Variants in GOLGA3 observed in about 807,000 individuals in gnomAD.
GOLGA3 encodes the protein golgin subfamily A member 3.
GOLGA3 carries 75 observed loss-of-function variants against 169.4 expected under a neutral mutation model. The observed-to-expected ratio is 0.44, with a 90% CI of 0.37 to 0.54. The LOEUF (loss-of-function observed/expected upper bound fraction) is 0.54. Among genes scored for constraint, GOLGA3 ranks in the 20% least tolerant of loss-of-function variants. GOLGA3 has a pLI of 0.00. For synonymous variants in GOLGA3, 824 were observed against 822.4 expected (o/e 1.00, Z -0.03); for missense variants, 1,899 against 1,930.0 (o/e 0.98, Z 0.30).
At chr12:132,786,869 C>T in intron 13 of GOLGA3, 82 bp from the exon 14 acceptor site, 1 of 940,986 alleles carries the variant, frequency 1.1e-6, no homozygotes, top group East Asian at 2.4e-5. Context: ...CCATCACCCC[C>T]ACCAAAGGCA....
At chr12:132,802,048 A>G (rs1949153840) in intron 7 of GOLGA3, 79 bp from the exon 8 acceptor site, 2 of 1,109,442 alleles carry the variant, frequency 1.8e-6, no homozygotes, top group South Asian at 2.7e-5. Context: ...GCGGGACACA[A>G]GGCGGGACTC....
At chr12:132,797,949 G>C (rs187378090) in intron 9 of GOLGA3, among the ~76,000 whole-genome samples, 5 of 152,320 alleles carry the variant, frequency 3.3e-5, no homozygotes, top group African/African-American at 9.6e-5. Context: ...AGGCAAAAAC[G>C]CACTGGCCCC....
chr12:132,799,708 C>T (rs1459682915), intron 8 of GOLGA3, among the ~76,000 whole-genome samples: 1 of 151,104 alleles, frequency 6.6e-6, no homozygotes, highest in African/African-American at 2.4e-5. Context: ...TTTTGTTGTC[C>T]AGGCTACACC....
chr12:132,789,089 C>G lies in GOLGA3; in HGVS notation c.2749G>C (p.Asp917His), dbSNP rs2046084591. ...GCCGACTGGAGATGCCCTTCAAGGT[C>G]CGCCATGTGCTGACGGACCTGGGCC... ...EVAQVRQHMA[D>H]LEGHLQSAQK... The change falls in exon 13 of 24, where the codon GAC becomes CAC. Residue 917 changes from aspartate to histidine, a missense_variant. Coordinates refer to ENST00000450791, the MANE Select transcript of GOLGA3 (RefSeq NM_001389683.1). 1 of 1,611,996 alleles carries G rather than the reference C, an allele frequency of 6.2e-7. No individual in the cohort carries two copies.
rs1418458730 is a variant in GOLGA3, at chr12:132,774,269, T to C, written c.4195A>G (p.Lys1399Glu). The part of the protein sequence containing the change: ...ASSSNPATPI[K>E]IPDCPVPASL... ...GCGGGAACTGGGCAGTCCGGGATCTTGATGGGCGTGGCAGGGTTGGAAGAG... is the reference window on the plus strand; with the variant it reads ...GCGGGAACTGGGCAGTCCGGGATCTCGATGGGCGTGGCAGGGTTGGAAGAG... The change falls in exon 23 of 24, where the codon AAG becomes GAG. Residue 1399 changes from lysine to glutamate, a missense_variant. Physicochemically the swap from Lys to Glu is moderately conservative, Grantham distance 56. Transcript: ENST00000450791. 4 of 1,612,952 alleles carry C rather than the reference T, an allele frequency of 2.5e-6. No individual in the cohort carries two copies. The highest frequency in any genetic ancestry group is 3.4e-6 in the Non-Finnish European group (4 of 1,180,026).
chr12:132,805,050 T>A (rs201444758), intron 6 of GOLGA3, 28 bp from the exon 7 acceptor site: 1 of 1,592,264 alleles, frequency 6.3e-7, no homozygotes, highest in African/African-American at 1.3e-5. Flanking sequence ...ACCACAATGA[T>A]TTTAAGAAAA....
intron 4 of GOLGA3, among the ~76,000 whole-genome samples, chr12:132,808,874 A>T (rs1036808752): frequency 3.9e-5 from 6 of 152,236 alleles, no homozygotes; most frequent in African/African-American, 1.4e-4. Flanking sequence ...CCACAGGGTC[A>T]GTGGGTCTCC....
In GOLGA3 at chr12:132,782,432, A is replaced by G; in HGVS notation, c.3329T>C (p.Leu1110Ser). 1 of 1,613,928 alleles carries G rather than the reference A, an allele frequency of 6.2e-7. No individual in the cohort carries two copies. ...TTTCTCGTGCTCTAATTCAAGAGCCAACTTCTTGTTTGACTCCTCAAGGCG... is the reference window on the plus strand; with the variant it reads ...TTTCTCGTGCTCTAATTCAAGAGCCGACTTCTTGTTTGACTCCTCAAGGCG... ...IKRLEESNKK[L>S]ALELEHEKGK... is the part of the protein sequence containing the mutation. The change falls in exon 17 of 24, where the codon TTG (leucine) becomes TCG (serine). Residue 1110 changes from leucine to serine, a missense_variant. Coordinates refer to ENST00000450791, the MANE Select transcript of GOLGA3 (RefSeq NM_001389683.1).
rs1267712659 is a variant in GOLGA3, at chr12:132,769,387, C to G, written c.*3718G>C. The G allele has an allele frequency of 6.6e-6, 1 of 152,212 alleles. No individual in the cohort carries two copies. Among genetic ancestry groups the G allele is most frequent in the East Asian group, 1.9e-4 (1 of 5,200 alleles). The allele number at this position is 152,212 out of a possible 1,614,324, so 9.4% of individuals were successfully genotyped here. A position where few individuals can be genotyped will look rare whatever the true frequency, so the allele number is the denominator to read the frequency against. On this transcript the variant is annotated 3_prime_UTR_variant, in exon 24 of 24. Coordinates refer to ENST00000450791, the MANE Select transcript of GOLGA3 (RefSeq NM_001389683.1). ...GGAACTAGAACTCGGTTGTGGGAAC[C>G]CTGCACCAAGGAGAGTTGAGGGCCA...
At position 132,822,225 on chromosome 12, in the gene GOLGA3, G is replaced by A. The variant is rs1206135667; in HGVS notation, c.-97C>T. ...ATCAGCAACAGCCAAGAGCTCCTGG[G>A]AGGGGCCCTACTGTGTCTCCCATTT... On this transcript the variant is annotated 5_prime_UTR_variant, in exon 2 of 24. Transcript: ENST00000450791. 3.4e-6 allele frequency: 5 copies of A among 1,480,768 alleles called. No individual in the cohort carries two copies. In the African/African-American group the frequency reaches 5.8e-5, roughly 17 times the overall value. The allele number at this position is 1,480,768 out of a possible 1,614,324, so 91.7% of individuals were successfully genotyped here. A position where few individuals can be genotyped will look rare whatever the true frequency, so the allele number is the denominator to read the frequency against.
Position 132,777,948 on chromosome 12 carries a change from C to A in GOLGA3, c.3583-143G>T. 4.5e-6 allele frequency: 4 copies of A among 887,992 alleles called. No homozygotes were observed. In the South Asian group the frequency reaches 7.1e-5, roughly 16 times the overall value. 55.0% of individuals were successfully genotyped at this position (887,992 alleles called of 1,614,324 possible). On this transcript the variant is annotated intron_variant, in intron 18 of 23. Coordinates refer to ENST00000450791, the MANE Select transcript of GOLGA3 (RefSeq NM_001389683.1). The surrounding 1 kb of genome is among the most constrained non-coding windows in gnomAD (Gnocchi z 4.7). ...TGCTTCTCCACAGGCCTGTCAAGTT[C>A]CTTGTAAAGATGAAACCACCTGACC...
At chr12:132,802,773 T>C (rs796205614) in intron 7 of GOLGA3, among the ~76,000 whole-genome samples, 37 of 152,178 alleles carry the variant, frequency 2.4e-4, no homozygotes, top group African/African-American at 8.2e-4. Context: ...TAGACAGTGT[T>C]GGCCGGGCAC....
At position 132,791,050 on chromosome 12, in the gene GOLGA3, CAAAAAAAAAAAAAAAAAA is replaced by C. The variant is rs771719474; in HGVS notation, c.2547+148_2547+165del. Among the ~76,000 whole-genome samples, 386 of 52,674 alleles carry C rather than the reference CAAAAAAAAAAAAAAAAAA, an allele frequency of 7.3e-3. 2 individuals carry two copies. Among genetic ancestry groups the C allele is most frequent in the Admixed American group, 0.031 (90 of 2,884 alleles). 34.6% of individuals were successfully genotyped at this position (52,674 alleles called of 152,430 possible). The stretch of plus-strand genomic sequence containing the variant: ...TGGCTGACAGAGAGAGACTCCGTCT[CAAAAAAAAAAAAAAAAAA>C]AAAAAAAAAAAAAAAAAAATTTAAA... On this transcript the variant is annotated intron_variant, in intron 12 of 23. Coordinates refer to ENST00000450791, the MANE Select transcript of GOLGA3 (RefSeq NM_001389683.1).
chr12:132,780,783 G>A lies in GOLGA3; in HGVS notation c.3582+15C>T. On this transcript the variant is annotated intron_variant, in intron 18 of 23. Coordinates refer to ENST00000450791, the MANE Select transcript of GOLGA3 (RefSeq NM_001389683.1). ...GTCCTCTGGAACGCCCTGTGAGACG[G>A]AAGGTGGCACGCACCTGCTCCTTGA... is the stretch of plus-strand genomic sequence containing the variant. 6.5e-7 allele frequency: 1 copy of A among 1,530,586 alleles called. No individual in the cohort carries two copies. 94.8% of individuals were successfully genotyped at this position (1,530,586 alleles called of 1,614,324 possible). A position where few individuals can be genotyped will look rare whatever the true frequency, so the allele number is the denominator to read the frequency against.
chr12:132,806,955 ACG>A (rs1949436203), intron 6 of GOLGA3, among the ~76,000 whole-genome samples: 1 of 152,116 alleles, frequency 6.6e-6, no homozygotes, highest in African/African-American at 2.4e-5. Flanking sequence ...TCTGGTAGAG[ACG>A]CAGGGAGAAA....
In GOLGA3 at chr12:132,777,867, C is replaced by CGCT; in HGVS notation, c.3583-63_3583-62insAGC. 1 of 1,578,430 alleles carries CGCT rather than the reference C, an allele frequency of 6.3e-7. No individual in the cohort carries two copies. Among genetic ancestry groups the CGCT allele is most frequent in the Non-Finnish European group, 8.6e-7 (1 of 1,159,042 alleles). On this transcript the variant is annotated intron_variant, in intron 18 of 23. Transcript: ENST00000450791. This position sits in a 1 kb window ranked among gnomAD's most constrained non-coding sequence, Gnocchi z 4.7. ...TGACACCCACAGCTTTATGACGTGC[C>CGCT]GGGCGCAGGGGGTGAATGCACTCCC...
At position 132,770,992 on chromosome 12, in the gene GOLGA3, C is replaced by T. The variant is rs1037019972; in HGVS notation, c.*2113G>A. 5 of 152,376 alleles carry T rather than the reference C, an allele frequency of 3.3e-5. No homozygotes were observed. The highest frequency in any genetic ancestry group is 9.7e-5 in the African/African-American group (4 of 41,386). 9.4% of individuals were successfully genotyped at this position (152,376 alleles called of 1,614,324 possible). ...GTAGTACAGCCAAAATAAATAAGAACGTAAATTGCCGTATTTTTTTTTCTA... is the reference window on the plus strand; with the variant it reads ...GTAGTACAGCCAAAATAAATAAGAATGTAAATTGCCGTATTTTTTTTTCTA... On this transcript the variant is annotated 3_prime_UTR_variant, in exon 24 of 24. Transcript: ENST00000450791.
intron 12 of GOLGA3, among the ~76,000 whole-genome samples, chr12:132,789,645 T>C (rs2046115218): frequency 7.8e-6 from 1 of 128,582 alleles, no homozygotes; most frequent in African/African-American, 2.8e-5. Context: ...AAAGCAGGAC[T>C]CACGACACCG....
chr12:132,775,955 G>T (rs111774545), intron 21 of GOLGA3, among the ~76,000 whole-genome samples: 1 of 152,244 alleles, frequency 6.6e-6, no homozygotes, highest in Non-Finnish European at 1.5e-5. Flanking sequence ...CACACAGCGC[G>T]GCCAAGGGAT....
Sources: allele counts gnomAD v4.1 joint callset (sites outside exome capture counted in the v4.1 genomes callset), GRCh38; gene constraint gnomAD v4.1.1; non-coding constraint Gnocchi (gnomAD v3.1); transcripts MANE v1.5; gene names NCBI Gene and HGNC (gene_info 2026-07-23, HGNC 2026-07-21).